Variants in ANK3 observed in about 807,000 individuals in gnomAD.
The protein encoded by ANK3 is ankyrin-3.
A neutral mutation model predicts 370.9 loss-of-function variants in ANK3; 57 were observed. The observed-to-expected ratio is 0.15, with a 90% CI of 0.12 to 0.19. The LOEUF (loss-of-function observed/expected upper bound fraction) is 0.19. ANK3 is among the 10% of genes least tolerant of loss of function. ANK3 has a pLI of 1.00. For synonymous variants in ANK3, 1,929 were observed against 1,946.3 expected, an observed-to-expected ratio of 0.99 and a Z score of 0.23; for missense variants, 4,439 against 5,302.1, an observed-to-expected ratio of 0.84 and a Z score of 5.06.
At chr10:60,656,708 C>T (rs1041881873) in intron 1 of ANK3, among the ~76,000 whole-genome samples, 4 of 152,062 alleles carry the variant, frequency 2.6e-5, no homozygotes, top group African/African-American at 7.2e-5. Flanking sequence ...TTATTTTTTA[C>T]AAACATTGAT....
At position 60,072,620 on chromosome 10, in the gene ANK3, C is replaced by T. The variant is rs1410458027; in HGVS notation, c.8261G>A (p.Ser2754Asn). 13 of 1,613,884 alleles carry T rather than the reference C, an allele frequency of 8.1e-6. No individual in the cohort carries two copies. The highest frequency in any genetic ancestry group is 1.1e-5 in the Non-Finnish European group (13 of 1,179,988). ...SRIPVKKIQE[S>N]KLPVYQVFAR... ...AAAAACTTGGTAGACGGGTAGCTTG[C>T]TCTCCTGTATTTTTTTAACTGGGAT... is the stretch of plus-strand genomic sequence containing the variant. The change falls in exon 37 of 44, where the codon AGC becomes AAC. Residue 2754 changes from serine (S) to asparagine (N), a missense_variant. This residue lies in a region of ANK3 where 1,601 missense variants were observed against 1,731.7 expected (regional missense o/e 0.92). Coordinates refer to ENST00000280772, the MANE Select transcript of ANK3 (RefSeq NM_020987.5).
At position 60,395,550 on chromosome 10, in the gene ANK3, C is replaced by CTCTTTCTTTCTTCCTT. The variant is rs1491307989; in HGVS notation, c.97-115912_97-115911insAAGGAAGAAAGAAAGA. Among the ~76,000 whole-genome samples, 7 of 108,442 alleles carry CTCTTTCTTTCTTCCTT rather than the reference C, an allele frequency of 6.5e-5. No homozygotes were observed. The East Asian group carries it at 2.3e-3, about 35-fold the overall frequency. The allele number at this position is 108,442 out of a possible 152,430, so 71.1% of individuals were successfully genotyped here. On this transcript the variant is annotated intron_variant, in intron 2 of 43. Transcript: ENST00000373827. The stretch of plus-strand genomic sequence containing the variant: ...AACACTTAGCAATCAACTACTATGC[C>CTCTTTCTTTCTTCCTT]TCTTTCTTTCTTTCTTTCTTTCTTT...
At chr10:60,043,244 C>T in intron 42 of ANK3, 1 of 985,668 alleles carries the variant, frequency 1.0e-6, no homozygotes, top group Non-Finnish European at 1.2e-6. Flanking sequence ...ATAAACAAAT[C>T]CTCTCTTCAC....
intron 1 of ANK3, among the ~76,000 whole-genome samples, chr10:60,376,466 T>G (rs1397107096): frequency 6.6e-6 from 1 of 152,194 alleles, no homozygotes; most frequent in Admixed American, 6.5e-5. Flanking sequence ...TATTTGAATC[T>G]TATCCTACAG....
chr10:60,616,191 A>T (rs533883010), intron 1 of ANK3, among the ~76,000 whole-genome samples: 3 of 152,302 alleles, frequency 2.0e-5, no homozygotes, highest in South Asian at 4.1e-4. Context: ...TAAAGAAAAA[A>T]ATAGAAGGAA....
chr10:60,666,760 G>A (rs1454357569), intron 1 of ANK3, among the ~76,000 whole-genome samples: 3 of 152,258 alleles, frequency 2.0e-5, no homozygotes, highest in Middle Eastern at 3.4e-3. Flanking sequence ...ATTCCAGTGT[G>A]ATTTCTGGAG....
chr10:60,642,635 G>A (rs1016670737), intron 1 of ANK3, among the ~76,000 whole-genome samples: 1 of 93,568 alleles, frequency 1.1e-5, no homozygotes, highest in Non-Finnish European at 2.4e-5. Flanking sequence ...ACTGTTGTGG[G>A]GTGGGGGGGC....
chr10:60,607,070 G>T (rs552835090), intron 2 of ANK3, among the ~76,000 whole-genome samples: 4 of 152,106 alleles, frequency 2.6e-5, no homozygotes, highest in Non-Finnish European at 5.9e-5. Flanking sequence ...AAGAAAAATA[G>T]TCTTTATGTA....
At chr10:60,518,588 A>G (rs1451918425) in intron 2 of ANK3, among the ~76,000 whole-genome samples, 1 of 152,174 alleles carries the variant, frequency 6.6e-6, no homozygotes, top group Non-Finnish European at 1.5e-5. Context: ...TGTTTAGGAT[A>G]CAGTGTACTC....
chr10:60,270,273 A>C, intron 4 of ANK3, 44 bp from the exon 5 acceptor site: 1 of 1,411,830 alleles, frequency 7.1e-7, no homozygotes, highest in Non-Finnish European at 9.7e-7. Context: ...CTTTCCAGAG[A>C]CAATCTATTT....
chr10:60,089,019 G>T (rs1221289935), intron 28 of ANK3, among the ~76,000 whole-genome samples: 1 of 152,158 alleles, frequency 6.6e-6, no homozygotes, highest in African/African-American at 2.4e-5. Context: ...AAAAAAAAGT[G>T]AGGCCTCATA....
intron 26 of ANK3, 24 bp from the exon 27 acceptor site, chr10:60,109,078 A>C: frequency 6.3e-7 from 1 of 1,587,374 alleles, no homozygotes; most frequent in East Asian, 2.2e-5. Context: ...ATCAGAGGCC[A>C]ATTCAAGGAC....
intron 2 of ANK3, among the ~76,000 whole-genome samples, chr10:60,414,948 A>T (rs114385461): frequency 0.019 from 2,838 of 152,280 alleles, 93 homozygotes; most frequent in African/African-American, 0.065. Context: ...TCCACCCACA[A>T]TGACTGTGAG....
chr10:60,264,087 T>C (rs2097845853), intron 5 of ANK3, 67 bp from the exon 6 acceptor site: 2 of 1,373,368 alleles, frequency 1.5e-6, no homozygotes, highest in African/African-American at 1.5e-5. Context: ...AATTAACAAA[T>C]AAGAAGGCAA....
chr10:60,127,494 G>T (rs956936239), intron 25 of ANK3, among the ~76,000 whole-genome samples: 1 of 152,044 alleles, frequency 6.6e-6, no homozygotes, highest in Non-Finnish European at 1.5e-5. Flanking sequence ...AAATCATACT[G>T]AATTACATGT....
intron 21 of ANK3, among the ~76,000 whole-genome samples, chr10:60,169,930 A>T (rs2095736541): frequency 6.6e-6 from 1 of 152,050 alleles, no homozygotes; most frequent in African/African-American, 2.4e-5. Flanking sequence ...GGGAGGGAGG[A>T]GCATTTCCTT....
chr10:60,191,073 C>A (rs548798887), intron 16 of ANK3, among the ~76,000 whole-genome samples: 1 of 152,150 alleles, frequency 6.6e-6, no homozygotes, highest in African/African-American at 2.4e-5. Flanking sequence ...TCACCATATA[C>A]AAAAATTAAC....
intron 1 of ANK3, among the ~76,000 whole-genome samples, chr10:60,619,500 T>C (rs769030294): frequency 6.6e-6 from 1 of 152,204 alleles, no homozygotes; most frequent in Non-Finnish European, 1.5e-5. Context: ...TTTGCCCTTT[T>C]CATAGGCCAG....
chr10:60,199,983 T>C (rs1466693287), intron 13 of ANK3, 146 bp downstream of exon 13: 2 of 619,128 alleles, frequency 3.2e-6, no homozygotes, highest in Non-Finnish European at 5.7e-6. Context: ...TTTTTTACAA[T>C]GTTACTTGGG....
Sources: allele counts gnomAD v4.1 joint callset (sites outside exome capture counted in the v4.1 genomes callset), GRCh38; gene constraint gnomAD v4.1.1; regional missense constraint gnomAD v4.1.1; transcripts MANE v1.5; gene names NCBI Gene and HGNC (gene_info 2026-07-23, HGNC 2026-07-21).